The following L3MBTL4 variants were observed in gnomAD, a reference collection of about 807,000 sequenced individuals.
L3MBTL4 encodes L3MBTL histone methyl-lysine binding protein 4, also known as lethal(3)malignant brain tumor-like protein 4.
A neutral mutation model predicts 84.5 loss-of-function variants in L3MBTL4; 70 were observed. The ratio of observed to expected loss-of-function variants is 0.83; its 90% CI spans 0.68 to 1.01. The LOEUF (loss-of-function observed/expected upper bound fraction) is 1.01. L3MBTL4 is among the 50% of genes least tolerant of loss of function. The pLI is 0.00. For synonymous variants in L3MBTL4, 274 were observed against 259.8 expected (o/e 1.05, Z -0.52); for missense variants, 715 against 754.8 (o/e 0.95, Z 0.62).
chr18:6,127,584 T>C (rs1260615870), intron 14 of L3MBTL4, among the ~76,000 whole-genome samples: 1 of 152,234 alleles, frequency 6.6e-6, no homozygotes, highest in Non-Finnish European at 1.5e-5. Flanking sequence ...GAATAAATCC[T>C]TTCTCTCTCT....
intron 16 of L3MBTL4, among the ~76,000 whole-genome samples, chr18:5,984,783 T>C (rs2053395359): frequency 6.6e-6 from 1 of 152,228 alleles, no homozygotes; most frequent in Admixed American, 6.5e-5. Flanking sequence ...TCTGAATTAT[T>C]TTTGGACCTT....
intron 12 of L3MBTL4, among the ~76,000 whole-genome samples, chr18:6,210,501 T>C (rs2046058037): frequency 6.6e-6 from 1 of 152,210 alleles, no homozygotes; most frequent in Non-Finnish European, 1.5e-5. Flanking sequence ...ATATATACTA[T>C]CTTGTGACCT....
At chr18:6,298,024 C>G (rs1240831137) in intron 4 of L3MBTL4, among the ~76,000 whole-genome samples, 1 of 152,136 alleles carries the variant, frequency 6.6e-6, no homozygotes, top group East Asian at 1.9e-4. Flanking sequence ...ATGGAATGCA[C>G]ATGCTGATAT....
chr18:6,331,122 T>C (rs1392839733), intron 1 of L3MBTL4, among the ~76,000 whole-genome samples: 3 of 152,214 alleles, frequency 2.0e-5, no homozygotes, highest in Non-Finnish European at 2.9e-5. Context: ...AAATCAGATA[T>C]ACATATTAGG....
intron 13 of L3MBTL4, among the ~76,000 whole-genome samples, chr18:6,169,984 A>G (rs1379563513): frequency 6.6e-6 from 1 of 152,180 alleles, no homozygotes; most frequent in Non-Finnish European, 1.5e-5. Flanking sequence ...TTATTTCCTG[A>G]GAGAAGATTT....
chr18:6,231,863 C>G (rs569769974), intron 10 of L3MBTL4, among the ~76,000 whole-genome samples: 2 of 152,098 alleles, frequency 1.3e-5, no homozygotes, highest in South Asian at 4.1e-4. Context: ...TTTACCTCTC[C>G]CTTTCCGTTA....
intron 13 of L3MBTL4, among the ~76,000 whole-genome samples, chr18:6,170,510 G>C (rs2043915684): frequency 6.6e-6 from 1 of 152,264 alleles, no homozygotes; most frequent in East Asian, 1.9e-4. Flanking sequence ...GAAAGAGCAA[G>C]TTTTTGGCTT....
At chr18:5,969,773 C>T (rs2052547202) in intron 16 of L3MBTL4, among the ~76,000 whole-genome samples, 1 of 152,194 alleles carries the variant, frequency 6.6e-6, no homozygotes, top group Admixed American at 6.5e-5. Context: ...GTTACCCATG[C>T]CCAGAAGACT....
intron 16 of L3MBTL4, among the ~76,000 whole-genome samples, chr18:5,994,629 C>T (rs962455141): frequency 6.6e-6 from 1 of 152,120 alleles, no homozygotes; most frequent in Non-Finnish European, 1.5e-5. Context: ...ACGCTGGCTC[C>T]CATGCCACTG....
At chr18:6,144,445 G>A (rs745923644) in intron 13 of L3MBTL4, among the ~76,000 whole-genome samples, 12 of 152,118 alleles carry the variant, frequency 7.9e-5, no homozygotes, top group Non-Finnish European at 1.2e-4. Context: ...TAATGGCAAG[G>A]TTCTTTAGGA....
At chr18:6,236,819 G>A (rs2047235549) in intron 10 of L3MBTL4, among the ~76,000 whole-genome samples, 1 of 151,916 alleles carries the variant, frequency 6.6e-6, no homozygotes, top group Non-Finnish European at 1.5e-5. Context: ...TTTAATTCTT[G>A]AAATTATCTT....
chr18:6,247,667 A>AT (rs1309078250), intron 5 of L3MBTL4, among the ~76,000 whole-genome samples: 4 of 67,446 alleles, frequency 5.9e-5, no homozygotes, highest in Non-Finnish European at 1.3e-4. Flanking sequence ...TTTTTTTTGT[A>AT]TTTTTTCAGT....
At chr18:6,180,277 T>C (rs2044408759) in intron 12 of L3MBTL4, among the ~76,000 whole-genome samples, 1 of 143,984 alleles carries the variant, frequency 6.9e-6, no homozygotes, top group Non-Finnish European at 1.5e-5. Context: ...TCTCATGTTA[T>C]TATCCCCATT....
chr18:6,257,811 T>C (rs1244497199), intron 5 of L3MBTL4, among the ~76,000 whole-genome samples: 1 of 152,028 alleles, frequency 6.6e-6, no homozygotes, highest in African/African-American at 2.4e-5. Context: ...TACACCCAGC[T>C]AATTTTGTAT....
intron 5 of L3MBTL4, among the ~76,000 whole-genome samples, chr18:6,258,236 A>C (rs1045303060): frequency 2.6e-5 from 4 of 152,190 alleles, no homozygotes; most frequent in Non-Finnish European, 5.9e-5. Context: ...TTTCCTAGGG[A>C]GCAGGGAGAG....
chr18:6,260,375 T>C (rs2048347471), intron 5 of L3MBTL4: 1 of 152,078 alleles, frequency 6.6e-6, no homozygotes, highest in African/African-American at 2.4e-5. Flanking sequence ...CTTTGGGGAG[T>C]ATGGCCACCT....
chr18:5,966,019 G>A (rs564150443), intron 17 of L3MBTL4, among the ~76,000 whole-genome samples: 1 of 152,240 alleles, frequency 6.6e-6, no homozygotes, highest in Non-Finnish European at 1.5e-5. Flanking sequence ...GATTCCACCT[G>A]TACCCACAAC....
At chr18:5,969,358 C>G (rs2052516685) in intron 17 of L3MBTL4, 35 bp downstream of exon 17, 1 of 1,611,434 alleles carries the variant, frequency 6.2e-7, no homozygotes, top group East Asian at 2.2e-5. Context: ...GCAGCAGGCA[C>G]ACCCCAGCCC....
intron 16 of L3MBTL4, among the ~76,000 whole-genome samples, chr18:6,078,138 G>A (rs2057925911): frequency 6.6e-6 from 1 of 150,392 alleles, no homozygotes; most frequent in Admixed American, 6.6e-5. Context: ...AAGCTGGCAG[G>A]GGAAAAGGCT....
Sources: gnomAD v4.1 joint callset for allele counts (sites outside exome capture counted in the v4.1 genomes callset) on GRCh38, gnomAD v4.1.1 for gene constraint, MANE v1.5 for transcripts, NCBI Gene and HGNC (gene_info 2026-07-23, HGNC 2026-07-21) for gene names.